TTN: variants seen among roughly 807,000 people sequenced by gnomAD.
The protein encoded by TTN is titin.
In TTN, 1,525 loss-of-function variants were observed where a neutral mutation model predicts 3,223.0. The ratio of observed to expected loss-of-function variants is 0.47; its 90% confidence interval spans 0.45 to 0.49. The LOEUF is 0.49. Ranked by LOEUF, TTN falls within the 20% of genes least tolerant of loss-of-function variation. The pLI is 0.00. For synonymous variants in TTN, 14,094 were observed against 15,161.0 expected (o/e 0.93, Z 5.17); for missense variants, 40,786 against 43,424.0 (o/e 0.94, Z 5.40).
In TTN at chr2:178,616,507, C is replaced by T. The variant is rs369453963; in HGVS notation, c.48284G>A (p.Arg16095Gln). The T allele has an allele frequency of 8.7e-6, 14 of 1,612,146 alleles. No homozygotes were observed. The highest frequency in any genetic ancestry group is 2.7e-5 in the African/African-American group (2 of 74,776). ...AGTCCATGTTTTCCGGCTGACTTCT[C>T]GTTTTTCAACAACGTATCCAGTTAA... ...SPLTGYVVEK[R>Q]EVSRKTWTKV... Residue 16095 changes from arginine to glutamine, a missense_variant, in exon 257 of 363, where the codon CGA becomes CAA. Arg to Gln is a conservative substitution (Grantham distance 43). Transcript: ENST00000589042.
chr2:178,545,712 A>G lies in TTN; in HGVS notation c.95417-19T>C. 1 of 1,606,428 alleles carries G rather than the reference A, an allele frequency of 6.2e-7. No individual in the cohort carries two copies. The highest frequency in any genetic ancestry group is 8.5e-7 in the Non-Finnish European group (1 of 1,174,798). On this transcript the variant is annotated intron_variant, in intron 343 of 362. Transcript: ENST00000589042. The stretch of plus-strand genomic sequence containing the variant: ...GGAATAGCTGTTTATGAAAATAAGG[A>G]TGATGAGAATTGCACAAAATTACTA...
Position 178,621,687 on chromosome 2 carries a change from T to C in TTN, c.45137A>G (p.Asp15046Gly), listed in dbSNP as rs754204056. The C allele has an allele frequency of 1.3e-5, 21 of 1,612,190 alleles. No homozygotes were observed. In the South Asian group the frequency reaches 2.2e-4, roughly 17 times the overall value. Residue 15046 changes from aspartate (D) to glycine (G), a missense_variant, in exon 245 of 363, where the codon GAC becomes GGC. Physicochemically the swap from Asp to Gly is moderately conservative, Grantham distance 94. Transcript: ENST00000589042. ...GACTTCACAAACCAGTTTTATAGTG[T>C]CTGTTTCACTAACTTCAATGTTGGC... ...NLANIEVSET[D>G]TIKLVCEVSK...
chr2:178,532,219 G>A lies in TTN; in HGVS notation c.104396C>T (p.Ser34799Phe). 6.2e-7 allele frequency: 1 copy of A among 1,613,396 alleles called. No individual in the cohort carries two copies. Among genetic ancestry groups the A allele is most frequent in the South Asian group, 1.1e-5 (1 of 91,072 alleles). Residue 34799 changes from serine to phenylalanine, a missense_variant, in exon 358 of 363, where the codon TCT becomes TTT. Physicochemically the swap from Ser to Phe is radical, Grantham distance 155. Coordinates refer to ENST00000589042, the MANE Select transcript of TTN (RefSeq NM_001267550.2). ...TCTTTGTCGCCTTGATTTCTTTCTA[G>A]ACTTTTCCTCCTTTGACATGAAGTC... ...ELDFMSKEEK[S>F]RKKSRRQREV...
intron 182 of TTN, 43 bp downstream of exon 182, chr2:178,658,962 A>T (rs2154254909): frequency 3.4e-6 from 2 of 587,094 alleles, no homozygotes; most frequent in Middle Eastern, 4.5e-4. Context: ...TAGTTAAAAT[A>T]ACAGTTATTT....
chr2:178,609,058 T>A (rs866895579), intron 273 of TTN, 150 bp from the exon 274 acceptor site: 1 of 1,281,838 alleles, frequency 7.8e-7, no homozygotes, highest in Middle Eastern at 2.4e-4. Flanking sequence ...CAAGATCAGG[T>A]GATTTCTTTT....
Position 178,774,320 on chromosome 2 carries a change from G to T in TTN, c.6944C>A (p.Thr2315Lys). The T allele has an allele frequency of 6.2e-7, 1 of 1,614,106 alleles. No individual in the cohort carries two copies. The highest frequency in any genetic ancestry group is 8.5e-7 in the Non-Finnish European group (1 of 1,179,986). ...ELKSNGKYTI[T>K]SRRGRQNLTV... ...GAGGTTCTGACGTCCACGACGAGAT[G>T]TAATTGTATATTTGCCATTGGATTT... The change falls in exon 30 of 363, where the codon ACA becomes AAA. Residue 2315 changes from threonine to lysine, a missense_variant. Coordinates refer to ENST00000589042, the MANE Select transcript of TTN (RefSeq NM_001267550.2).
intron 47 of TTN, chr2:178,746,610 C>T: frequency 1.2e-6 from 2 of 1,613,256 alleles, no homozygotes; most frequent in South Asian, 1.1e-5. Context: ...AAGCTCTTTG[C>T]TTCCCCTATG....
chr2:178,760,921 T>C (rs2089005830), intron 43 of TTN: 1 of 152,428 alleles, frequency 6.6e-6, no homozygotes, highest in Non-Finnish European at 1.5e-5. Flanking sequence ...CAAGGTTCTC[T>C]GCTTATTTCT....
chr2:178,745,578 T>C (rs1332698019), intron 47 of TTN: 3 of 1,612,100 alleles, frequency 1.9e-6, no homozygotes, highest in Middle Eastern at 1.7e-4. Context: ...CACTAAAACA[T>C]TACATTTTAA....
Position 178,542,944 on chromosome 2 carries a change from G to A in TTN, c.96910C>T (p.Pro32304Ser). The A allele has an allele frequency of 5.0e-6, 8 of 1,595,162 alleles. No individual in the cohort carries two copies. Among genetic ancestry groups the A allele is most frequent in the Non-Finnish European group, 6.8e-6 (8 of 1,168,172 alleles). ...GGCATTGTAGAAAGATCGATTGTTG[G>A]CAACACTATGGGAAAGAAATCAGGC... ...AVTVQDLRVL[P>S]TIDLSTMPQK... The change falls in exon 348 of 363, where the codon CCA becomes TCA. Residue 32304 changes from proline to serine, a missense_variant. Transcript: ENST00000589042.
rs770140533 is a variant in TTN at position 178,756,476 on chromosome 2, T to A, written c.11000A>T (p.Gln3667Leu). The change falls in exon 46 of 363, where the codon CAG becomes CTG. Residue 3667 changes from glutamine (Q) to leucine (L), a missense_variant. Physicochemically the swap from Gln to Leu is moderately radical, Grantham distance 113. Transcript: ENST00000589042. The stretch of plus-strand genomic sequence containing the variant: ...GTCACCGCACTTTACAGTGACGTCC[T>A]GAAGATGCAGGAAAATCTTGGGCGC... ...GEAPKIFLHL[Q>L]DVTVKCGDTA... The A allele has an allele frequency of 1.7e-5, 27 of 1,613,748 alleles. No individual in the cohort carries two copies. Among genetic ancestry groups the A allele is most frequent in the Non-Finnish European group, 2.2e-5 (26 of 1,179,814 alleles).
rs773581788 is a variant in TTN at position 178,557,978 on chromosome 2, T to C, written c.87376A>G (p.Thr29126Ala). ...ACAACAATGTTAATGAAAGCTTTGG[T>C]TGTACCACTGGAGTTGGCAGCAGTG... Reference protein sequence around the residue: ...EITAANSSGTTKAFINIVVLD... With the variant: ...EITAANSSGTAKAFINIVVLD... The change falls in exon 328 of 363, where the codon ACC becomes GCC. Residue 29126 changes from threonine (T) to alanine (A), a missense_variant. Thr to Ala is a moderately conservative substitution (Grantham distance 58, BLOSUM62 0). Transcript: ENST00000589042. 6.2e-7 allele frequency: 1 copy of C among 1,613,552 alleles called. No homozygotes were observed. Among genetic ancestry groups the C allele is most frequent in the East Asian group, 2.2e-5 (1 of 44,870 alleles).
rs200540781 is a variant in TTN at position 178,543,909 on chromosome 2, C to T, written c.96235G>A (p.Asp32079Asn). 498 of 1,613,510 alleles carry T rather than the reference C, an allele frequency of 3.1e-4. No homozygotes were observed. Among genetic ancestry groups the T allele is most frequent in the Admixed American group, 4.5e-4 (27 of 59,982 alleles). ...LLIVDKVNRY[D>N]AGKYTIEAEN... ...GCTTCAATTGTGTATTTTCCAGCAT[C>T]GTACCGATTAACTTTGTCCACTATT... The change falls in exon 346 of 363, where the codon GAT (aspartate) becomes AAT (asparagine). Residue 32079 changes from aspartate to asparagine, a missense_variant. Asp to Asn is a conservative substitution (Grantham distance 23). Transcript: ENST00000589042.
intron 236 of TTN, 50 bp from the exon 237 acceptor site, chr2:178,631,350 T>G: frequency 6.5e-7 from 1 of 1,529,100 alleles, no homozygotes; most frequent in Non-Finnish European, 8.7e-7. Context: ...CTTAGGGAAA[T>G]GACAATCTCT....
intron 47 of TTN, chr2:178,745,229 T>C (rs533588753): frequency 9.3e-7 from 1 of 1,077,834 alleles, no homozygotes; most frequent in African/African-American, 1.6e-5. Context: ...CATTGTACTT[T>C]TGCATATATG....
chr2:178,648,232 A>C (rs1203915374), intron 213 of TTN, among the ~76,000 whole-genome samples: 1 of 152,090 alleles, frequency 6.6e-6, no homozygotes, highest in Non-Finnish European at 1.5e-5. Flanking sequence ...GTACTCCAAA[A>C]TATGACCCCA....
intron 28 of TTN, 41 bp from the exon 29 acceptor site, chr2:178,775,243 TATTAA>T (rs778306645): frequency 1.2e-6 from 2 of 1,613,034 alleles, no homozygotes; most frequent in South Asian, 2.2e-5. Flanking sequence ...GAGCACATTA[TATTAA>T]ATTAAATTCT....
rs1416083040 is a variant in TTN at position 178,741,330 on chromosome 2, G to A, written c.11903C>T (p.Thr3968Ile). 1 of 1,613,904 alleles carries A rather than the reference G, an allele frequency of 6.2e-7. No homozygotes were observed. Among genetic ancestry groups the A allele is most frequent in the Non-Finnish European group, 8.5e-7 (1 of 1,179,824 alleles). ...CTTGTTTTCTTTGAACCATGTAACA[G>A]TAGGGGCAGGCTCTCCAACCACTGT... ...EYTVVGEPAP[T>I]VTWFKENKQL... The change falls in exon 48 of 363, where the codon ACT (threonine) becomes ATT (isoleucine). Residue 3968 changes from threonine to isoleucine, a missense_variant. Thr to Ile is a moderately conservative substitution (Grantham distance 89). Coordinates refer to ENST00000589042, the MANE Select transcript of TTN (RefSeq NM_001267550.2).
intron 281 of TTN, 60 bp downstream of exon 281, chr2:178,604,648 G>A (rs2054346774): frequency 1.4e-6 from 2 of 1,460,942 alleles, no homozygotes; most frequent in Non-Finnish European, 1.8e-6. Context: ...ATATTAAAAT[G>A]GCATCAAACC....
Sources: allele counts gnomAD v4.1 joint callset (sites outside exome capture counted in the v4.1 genomes callset), GRCh38; gene constraint gnomAD v4.1.1; transcripts MANE v1.5; gene names NCBI Gene and HGNC (gene_info 2026-07-23, HGNC 2026-07-21).